The following TICAM2 variants were observed in gnomAD, a reference collection of about 807,000 sequenced individuals.
TICAM2 encodes TIR domain-containing adapter molecule 2.
In TICAM2, 8 loss-of-function variants were observed where a neutral mutation model predicts 7.3. The observed-to-expected ratio is 1.10, with a 90% CI of 0.65 to 1.99. The LOEUF is 1.99. Among genes scored for constraint, TICAM2 ranks in the 30% most tolerant of loss-of-function variants. The pLI, the probability that TICAM2 is intolerant of heterozygous loss-of-function variation, is 0.00. For synonymous variants in TICAM2, 113 were observed against 99.6 expected (o/e 1.13, Z -0.80); for missense variants, 304 against 278.8 (o/e 1.09, Z -0.65).
chr5:115,599,575 T>C (rs1368015186), intron 1 of TICAM2, among the ~76,000 whole-genome samples: 1 of 152,190 alleles, frequency 6.6e-6, no homozygotes, highest in Non-Finnish European at 1.5e-5. Flanking sequence ...GAGAGTAGCA[T>C]TCAGTATTTA....
At chr5:115,597,404 T>C (rs1755550522) in intron 1 of TICAM2, among the ~76,000 whole-genome samples, 2 of 152,272 alleles carry the variant, frequency 1.3e-5, no homozygotes, top group Admixed American at 6.5e-5. Flanking sequence ...CAAAATTCCA[T>C]TGGAGGTAAA....
chr5:115,590,907 C>G (rs1019755841), intron 1 of TICAM2, among the ~76,000 whole-genome samples: 1 of 152,134 alleles, frequency 6.6e-6, no homozygotes, highest in Admixed American at 6.5e-5. Context: ...GTCTCTCTCT[C>G]TCATCTCCTC....
chr5:115,586,206 G>T (rs1332595114), intron 1 of TICAM2, among the ~76,000 whole-genome samples: 1 of 152,216 alleles, frequency 6.6e-6, no homozygotes, highest in East Asian at 1.9e-4. Flanking sequence ...CCAACATTAT[G>T]AAGGTGGAGT....
chr5:115,581,973 C>G (rs1247809954), intron 1 of TICAM2: 2 of 152,016 alleles, frequency 1.3e-5, no homozygotes, highest in African/African-American at 4.8e-5. Flanking sequence ...TAAGAAATAT[C>G]TTTTTCCAAC....
chr5:115,594,337 C>G (rs563908581), intron 1 of TICAM2, among the ~76,000 whole-genome samples: 1 of 152,200 alleles, frequency 6.6e-6, no homozygotes, highest in African/African-American at 2.4e-5. Context: ...CCCAAACACA[C>G]ATATGGTTGT....
chr5:115,596,639 G>T (rs1424057848), intron 1 of TICAM2, among the ~76,000 whole-genome samples: 1 of 152,192 alleles, frequency 6.6e-6, no homozygotes, highest in African/African-American at 2.4e-5. Context: ...CAGAACCTTG[G>T]CTGGGCGCGG....
intron 1 of TICAM2, among the ~76,000 whole-genome samples, chr5:115,591,420 C>G (rs1755298014): frequency 6.6e-6 from 1 of 152,086 alleles, no homozygotes; most frequent in Non-Finnish European, 1.5e-5. Flanking sequence ...CCGGCACAAG[C>G]AAAAATTAAA....
At chr5:115,595,769 T>C (rs990090824) in intron 1 of TICAM2, among the ~76,000 whole-genome samples, 2 of 152,232 alleles carry the variant, frequency 1.3e-5, no homozygotes, top group South Asian at 4.1e-4. Flanking sequence ...TTTTCCCAAA[T>C]GTCATGTTGT....
rs555044112 is a variant in TICAM2 at position 115,597,722 on chromosome 5, C to G, written c.-60+4375G>C. Among the ~76,000 whole-genome samples the G allele has an allele frequency of 3.9e-5, 6 of 152,246 alleles. No homozygotes were observed. In the East Asian group the frequency reaches 1.2e-3, roughly 29 times the overall value. On this transcript the variant is annotated intron_variant, in intron 1 of 1. Coordinates refer to ENST00000427199, the MANE Select transcript of TICAM2 (RefSeq NM_021649.7). ...GACTGATTCCAGGGGTTCCAGGACC[C>G]CTGCATATACCAAAATCCAAGAATA...
chr5:115,593,492 G>T (rs902662725), intron 1 of TICAM2, among the ~76,000 whole-genome samples: 1 of 152,044 alleles, frequency 6.6e-6, no homozygotes, highest in East Asian at 1.9e-4. Flanking sequence ...TTTCCACACA[G>T]AAATATTAGT....
At chr5:115,595,348 C>T (rs1755469703) in intron 1 of TICAM2, among the ~76,000 whole-genome samples, 1 of 152,160 alleles carries the variant, frequency 6.6e-6, no homozygotes, top group African/African-American at 2.4e-5. Flanking sequence ...ACAAACCCTC[C>T]CCACAACTCC....
chr5:115,584,993 C>T (rs943781343), intron 1 of TICAM2, among the ~76,000 whole-genome samples: 6 of 152,196 alleles, frequency 3.9e-5, no homozygotes, highest in South Asian at 4.1e-4. Context: ...AGAATCATAG[C>T]GTACAAAAAC....
rs1754811658 is a variant in TICAM2 at position 115,578,788 on chromosome 5, T to C, written c.*1761A>G. On this transcript the variant is annotated 3_prime_UTR_variant, in exon 2 of 2. Coordinates refer to ENST00000427199, the MANE Select transcript of TICAM2 (RefSeq NM_021649.7). ...GGAAGCATTATGGCAAAAAAATGAA[T>C]ACTTATTATGAAAACTGAAAAAGAG... 1 of 152,044 alleles carries C rather than the reference T, an allele frequency of 6.6e-6. No individual in the cohort carries two copies. The highest frequency in any genetic ancestry group is 2.1e-4 in the South Asian group (1 of 4,826). 9.4% of individuals were successfully genotyped at this position (152,044 alleles called of 1,614,324 possible).
In TICAM2 at chr5:115,579,192, TATAAGC is replaced by T. The variant is rs754862796; in HGVS notation, c.*1351_*1356del. On this transcript the variant is annotated 3_prime_UTR_variant, in exon 2 of 2. Coordinates refer to ENST00000427199, the MANE Select transcript of TICAM2 (RefSeq NM_021649.7). Reference sequence around the variant, plus strand: ...CAATATACAAAAAATATCTTTTCATTATAAGCATATATAAAGCCTTCTGCAACTATT... The same window carrying T: ...CAATATACAAAAAATATCTTTTCATTATATATAAAGCCTTCTGCAACTATT... 1.3e-5 allele frequency: 2 copies of T among 152,646 alleles called. No homozygotes were observed. The highest frequency in any genetic ancestry group is 2.4e-5 in the African/African-American group (1 of 41,468). 9.5% of individuals were successfully genotyped at this position (152,646 alleles called of 1,614,324 possible).
chr5:115,601,806 G>C (rs1755758178), intron 1 of TICAM2, among the ~76,000 whole-genome samples: 1 of 152,178 alleles, frequency 6.6e-6, no homozygotes, highest in Non-Finnish European at 1.5e-5. Flanking sequence ...TAAGACTCTG[G>C]GCTATTTGCT....
At chr5:115,599,841 G>T (rs1228260351) in intron 1 of TICAM2, among the ~76,000 whole-genome samples, 1 of 151,548 alleles carries the variant, frequency 6.6e-6, no homozygotes, top group Non-Finnish European at 1.5e-5. Flanking sequence ...TTGTAAGCCT[G>T]TTTTTCTTTT....
At chr5:115,589,463 A>G (rs950215116) in intron 1 of TICAM2, among the ~76,000 whole-genome samples, 4 of 152,372 alleles carry the variant, frequency 2.6e-5, no homozygotes, top group Middle Eastern at 3.4e-3. Flanking sequence ...TTGAAATAAC[A>G]TTCTTGAGAA....
At position 115,578,773 on chromosome 5, in the gene TICAM2, T is replaced by C. The variant is rs1416764846; in HGVS notation, c.*1776A>G. 1 of 127,008 alleles carries C rather than the reference T, an allele frequency of 7.9e-6. No homozygotes were observed. Among genetic ancestry groups the C allele is most frequent in the African/African-American group, 2.7e-5 (1 of 36,452 alleles). 7.9% of individuals were successfully genotyped at this position (127,008 alleles called of 1,614,324 possible). ...AAAATTGGCTTTACAGGAAGCATTA[T>C]GGCAAAAAAATGAATACTTATTATG... On this transcript the variant is annotated 3_prime_UTR_variant, in exon 2 of 2. Transcript: ENST00000427199.
rs1193476110 is a variant in TICAM2 at position 115,579,533 on chromosome 5, G to A, written c.*1016C>T. On this transcript the variant is annotated 3_prime_UTR_variant, in exon 2 of 2. Coordinates refer to ENST00000427199, the MANE Select transcript of TICAM2 (RefSeq NM_021649.7). ...CTCAGATGGGCAGAAGGGCTGTGGA[G>A]GAAAGAAACAATCCTGTTTGGGGCC... is the stretch of plus-strand genomic sequence containing the variant. 2 of 152,188 alleles carry A rather than the reference G, an allele frequency of 1.3e-5. No individual in the cohort carries two copies. The highest frequency in any genetic ancestry group is 6.5e-5 in the Admixed American group (1 of 15,278). 9.4% of individuals were successfully genotyped at this position (152,188 alleles called of 1,614,324 possible). A position where few individuals can be genotyped will look rare whatever the true frequency, so the allele number is the denominator to read the frequency against.
Sources: gnomAD v4.1 joint callset for allele counts (sites outside exome capture counted in the v4.1 genomes callset) on GRCh38, gnomAD v4.1.1 for gene constraint, MANE v1.5 for transcripts, NCBI Gene and HGNC (gene_info 2026-07-23, HGNC 2026-07-21) for gene names.